KCNIP1: variants seen among roughly 807,000 people sequenced by gnomAD.
The protein encoded by KCNIP1 is A-type potassium channel modulatory protein KCNIP1.
A neutral mutation model predicts 33.0 loss-of-function variants in KCNIP1; 18 were observed. The observed-to-expected ratio is 0.55, with a 90% confidence interval of 0.38 to 0.81. The LOEUF (loss-of-function observed/expected upper bound fraction) is 0.81, where lower values mean the gene tolerates loss of function less well. KCNIP1 is among the 30% of genes least tolerant of loss of function. KCNIP1 has a pLI of 0.00. For synonymous variants in KCNIP1, 93 were observed against 98.3 expected (o/e 0.95, Z 0.32); for missense variants, 238 against 271.6 (o/e 0.88, Z 0.87).
At chr5:170,468,655 T>G (rs768925230) in intron 1 of KCNIP1, among the ~76,000 whole-genome samples, 1 of 151,748 alleles carries the variant, frequency 6.6e-6, no homozygotes, top group African/African-American at 2.4e-5. Context: ...CCGAGGTGGG[T>G]GGATAGCTTG....
chr5:170,484,492 C>T (rs555530161), intron 1 of KCNIP1, among the ~76,000 whole-genome samples: 2 of 152,252 alleles, frequency 1.3e-5, no homozygotes, highest in Admixed American at 6.5e-5. Context: ...GGCTGCCGGG[C>T]CTCCCTCTGG....
At chr5:170,711,212 C>T (rs1300654637) in intron 1 of KCNIP1, among the ~76,000 whole-genome samples, 2 of 152,188 alleles carry the variant, frequency 1.3e-5, no homozygotes, top group Non-Finnish European at 2.9e-5. Context: ...TCCTACCACT[C>T]TCTATAGTTG....
In KCNIP1 at chr5:170,544,234, G is replaced by A. The variant is rs139577770; in HGVS notation, c.61+39601G>A. Among the ~76,000 whole-genome samples the A allele has an allele frequency of 5.5e-3, 843 of 151,898 alleles. 11 individuals carry two copies. Among genetic ancestry groups the A allele is most frequent in the African/African-American group, 0.019 (768 of 41,404 alleles). ...TCTAGACCAGCCTAACCATCATGGC[G>A]GAAACCCAATTTCTACTAAAAATAA... On this transcript the variant is annotated intron_variant, in intron 1 of 7. Coordinates refer to ENST00000328939, the MANE Select transcript of KCNIP1 (RefSeq NM_014592.4).
At chr5:170,603,383 C>A (rs1581386700) in intron 1 of KCNIP1, among the ~76,000 whole-genome samples, 1 of 152,204 alleles carries the variant, frequency 6.6e-6, no homozygotes, top group Admixed American at 6.5e-5. Context: ...GAGCCCTGAG[C>A]TCAGACTCAG....
At chr5:170,416,127 C>T (rs1216907742) in intron 1 of KCNIP1, among the ~76,000 whole-genome samples, 1 of 152,084 alleles carries the variant, frequency 6.6e-6, no homozygotes, top group Non-Finnish European at 1.5e-5. Flanking sequence ...CCCTGGCCCA[C>T]TCTCACTCTC....
intron 1 of KCNIP1, among the ~76,000 whole-genome samples, chr5:170,381,849 T>C (rs930810915): frequency 6.6e-6 from 1 of 152,230 alleles, no homozygotes; most frequent in African/African-American, 2.4e-5. Context: ...GGCTACTGAA[T>C]GCCAACGCAG....
chr5:170,605,863 C>G (rs879558879), intron 1 of KCNIP1, among the ~76,000 whole-genome samples: 2 of 151,652 alleles, frequency 1.3e-5, no homozygotes, highest in African/African-American at 2.4e-5. Flanking sequence ...TAACCTCTGC[C>G]CCCTGGGTTC....
intron 1 of KCNIP1, among the ~76,000 whole-genome samples, chr5:170,402,577 G>A (rs1487150414): frequency 6.6e-6 from 1 of 152,306 alleles, no homozygotes; most frequent in South Asian, 2.1e-4. Flanking sequence ...AGCAGGAGAG[G>A]CAGAGAGAGC....
intron 1 of KCNIP1, among the ~76,000 whole-genome samples, chr5:170,625,891 C>G (rs977526181): frequency 1.3e-5 from 2 of 152,160 alleles, no homozygotes; most frequent in African/African-American, 2.4e-5. Flanking sequence ...GGTGAGACTG[C>G]GACAAGACAG....
upstream of KCNIP1, among the ~76,000 whole-genome samples, chr5:170,500,040 G>T (rs1283902352): frequency 3.9e-5 from 6 of 152,120 alleles, no homozygotes; most frequent in Non-Finnish European, 7.4e-5. Flanking sequence ...ATTTTCTCAT[G>T]GTTCTGAAAA....
At chr5:170,556,227 G>T (rs1387397077) in intron 1 of KCNIP1, among the ~76,000 whole-genome samples, 1 of 152,202 alleles carries the variant, frequency 6.6e-6, no homozygotes, top group Non-Finnish European at 1.5e-5. Flanking sequence ...CAAACAAGGG[G>T]TGAGGCCAGT....
chr5:170,385,473 T>C (rs553295664), intron 1 of KCNIP1: 1 of 1,613,958 alleles, frequency 6.2e-7, no homozygotes, highest in Admixed American at 1.7e-5. Flanking sequence ...TGATCATTTC[T>C]AGGTCCACAG....
At chr5:170,654,263 T>C (rs759370361) in intron 1 of KCNIP1, among the ~76,000 whole-genome samples, 1 of 152,206 alleles carries the variant, frequency 6.6e-6, no homozygotes, top group Non-Finnish European at 1.5e-5. Context: ...TTTCCACATA[T>C]TGAGCATTGC....
intron 1 of KCNIP1, among the ~76,000 whole-genome samples, chr5:170,699,513 G>C (rs1167811322): frequency 2.0e-5 from 3 of 147,874 alleles, no homozygotes; most frequent in African/African-American, 7.5e-5. Context: ...GTTTCCTAGT[G>C]CAGGGTCATG....
intron 1 of KCNIP1, among the ~76,000 whole-genome samples, chr5:170,646,495 T>C (rs928651825): frequency 6.6e-6 from 1 of 152,124 alleles, no homozygotes; most frequent in African/African-American, 2.4e-5. Flanking sequence ...AAAAATCATA[T>C]AATCATATAA....
chr5:170,681,406 A>T (rs114178156), intron 1 of KCNIP1: 3 of 340,984 alleles, frequency 8.8e-6, no homozygotes, highest in African/African-American at 6.3e-5. Context: ...GGAGCCAGGA[A>T]GTTAGGGTCT....
At chr5:170,385,354 A>T in intron 1 of KCNIP1, 3 of 1,614,158 alleles carry the variant, frequency 1.9e-6, no homozygotes, top group Non-Finnish European at 2.5e-6. Context: ...ACCAGGATGT[A>T]GTAGGTGATG....
chr5:170,725,728 G>A (rs542926622), intron 5 of KCNIP1, among the ~76,000 whole-genome samples: 34 of 152,080 alleles, frequency 2.2e-4, no homozygotes, highest in African/African-American at 7.5e-4. Flanking sequence ...TTCATGATGT[G>A]GTTATTACAC....
intron 1 of KCNIP1, among the ~76,000 whole-genome samples, chr5:170,683,889 A>AGTGTGTGTGTGTGTGT (rs756936341): frequency 7.2e-5 from 9 of 124,694 alleles, no homozygotes; most frequent in African/African-American, 1.7e-4. Context: ...ATGCCCAGCT[A>AGTGTGTGTGTGTGTGT]GTGTATGTGT....
Sources: gnomAD v4.1 joint callset for allele counts (sites outside exome capture counted in the v4.1 genomes callset) on GRCh38, gnomAD v4.1.1 for gene constraint, MANE v1.5 for transcripts, NCBI Gene and HGNC (gene_info 2026-07-23, HGNC 2026-07-21) for gene names.